PCDHGA1: variants seen among roughly 807,000 people sequenced by gnomAD.
PCDHGA1 encodes the protein protocadherin gamma subfamily A, 1, also known as protocadherin gamma-A1.
Under a neutral mutation model 58.0 loss-of-function variants are expected in PCDHGA1, and 32 were observed. The ratio of observed to expected loss-of-function variants is 0.55; its 90% confidence interval spans 0.42 to 0.74. PCDHGA1 has a LOEUF of 0.74. PCDHGA1 is among the 30% of genes least tolerant of loss of function. PCDHGA1 has a pLI of 0.00. For synonymous variants in PCDHGA1, 498 were observed against 501.1 expected, an observed-to-expected ratio of 0.99 and a Z score of 0.08; for missense variants, 1,205 against 1,182.3, an observed-to-expected ratio of 1.02 and a Z score of -0.28.
chr5:141,361,847 G>C (rs763425262), intron 1 of PCDHGA1: 9 of 1,612,662 alleles, frequency 5.6e-6, no homozygotes. Flanking sequence ...GGGCCTGATG[G>C]CTCCGCCCTC....
intron 1 of PCDHGA1, chr5:141,409,128 T>C (rs755394129): frequency 6.2e-6 from 10 of 1,613,976 alleles, no homozygotes; most frequent in South Asian, 1.1e-5. Flanking sequence ...TCATTTGATT[T>C]TGAAGATGTA....
intron 1 of PCDHGA1, chr5:141,388,500 A>T: frequency 6.2e-7 from 1 of 1,613,860 alleles, no homozygotes; most frequent in Non-Finnish European, 8.5e-7. Flanking sequence ...AGAAAAGCAG[A>T]AATCCTACCA....
chr5:141,427,213 G>A (rs566924176), intron 1 of PCDHGA1: 3 of 456,706 alleles, frequency 6.6e-6, no homozygotes, highest in East Asian at 6.9e-5. Context: ...TTCGAATTTC[G>A]TAGCAGTTAT....
At chr5:141,382,683 G>A in intron 1 of PCDHGA1, 1 of 444,266 alleles carries the variant, frequency 2.3e-6, no homozygotes, top group Non-Finnish European at 4.0e-6. Context: ...ACCAACCAGG[G>A]AAAAATGGTG....
In PCDHGA1 at chr5:141,389,898, GA is replaced by G. The variant is rs916636012; in HGVS notation, c.2421+56794del. ...CGACAGCTTGCAGGAGGTGCTGCCGGATATCACTGACCGCCCCGACCCCTCT... is the reference window on the plus strand; with the variant it reads ...CGACAGCTTGCAGGAGGTGCTGCCGGTATCACTGACCGCCCCGACCCCTCT... On this transcript the variant is annotated intron_variant, in intron 1 of 3. Coordinates refer to ENST00000517417, the MANE Select transcript of PCDHGA1 (RefSeq NM_018912.3). 3.1e-6 allele frequency: 5 copies of G among 1,613,952 alleles called. No homozygotes were observed. In the African/African-American group the frequency reaches 5.3e-5, roughly 17 times the overall value.
intron 1 of PCDHGA1, chr5:141,388,330 G>A: frequency 6.2e-7 from 1 of 1,613,882 alleles, no homozygotes; most frequent in Non-Finnish European, 8.5e-7. Context: ...GCACAGCCTG[G>A]CACACGATTT....
intron 1 of PCDHGA1, chr5:141,409,656 G>A: frequency 6.2e-7 from 1 of 1,613,618 alleles, no homozygotes; most frequent in South Asian, 1.1e-5. Context: ...GGGCTCAATG[G>A]CCACATCTCC....
intron 1 of PCDHGA1, chr5:141,394,998 G>C: frequency 2.5e-6 from 4 of 1,614,010 alleles, no homozygotes; most frequent in Non-Finnish European, 3.4e-6. Context: ...CCAGGATTCC[G>C]GTGGCAGATT....
At position 141,374,917 on chromosome 5, in the gene PCDHGA1, T is replaced by C. The variant is rs1385873751; in HGVS notation, c.2421+41812T>C. 7.4e-6 allele frequency: 12 copies of C among 1,613,816 alleles called. No homozygotes were observed. In the Admixed American group the frequency reaches 1.5e-4, roughly 20 times the overall value. Reference sequence around the variant, plus strand: ...ATGAAGGAGTCCACGGGGAAGTAACTTATTCCTTTGTGAAGATTACAGAAA... The same window carrying C: ...ATGAAGGAGTCCACGGGGAAGTAACCTATTCCTTTGTGAAGATTACAGAAA... On this transcript the variant is annotated intron_variant, in intron 1 of 3. Coordinates refer to ENST00000517417, the MANE Select transcript of PCDHGA1 (RefSeq NM_018912.3).
chr5:141,390,346 A>C, intron 1 of PCDHGA1: 1 of 1,576,446 alleles, frequency 6.3e-7, no homozygotes, highest in African/African-American at 1.4e-5. Context: ...TCACAAGAAA[A>C]TATACATATT....
intron 1 of PCDHGA1, chr5:141,383,770 A>G (rs776707003): frequency 6.2e-7 from 1 of 1,613,890 alleles, no homozygotes; most frequent in East Asian, 2.2e-5. Context: ...ACTTCCAAAG[A>G]TGTTTCATCT....
chr5:141,372,757 T>G, intron 1 of PCDHGA1: 1 of 1,613,122 alleles, frequency 6.2e-7, no homozygotes, highest in Non-Finnish European at 8.5e-7. Context: ...GCCTCTTGGT[T>G]TGAAAGTAAT....
At chr5:141,374,689 G>T in intron 1 of PCDHGA1, 2 of 1,609,578 alleles carry the variant, frequency 1.2e-6, no homozygotes, top group East Asian at 4.5e-5. Flanking sequence ...CACTGGACCG[G>T]GAAGGAGAAG....
At chr5:141,382,737 A>G (rs1186872738) in intron 1 of PCDHGA1, 2 of 571,884 alleles carry the variant, frequency 3.5e-6, no homozygotes, top group African/African-American at 3.7e-5. Context: ...GCACAGAGAA[A>G]CGACAGATTG....
Position 141,490,909 on chromosome 5 carries a change from G to C in PCDHGA1, c.2422-3898G>C. ...ATCTCTGCATGTGTTTGTCCTAGAC[G>C]AGAATGATAATGCCCCAGCTGTGCT... On this transcript the variant is annotated intron_variant, in intron 1 of 3. Coordinates refer to ENST00000517417, the MANE Select transcript of PCDHGA1 (RefSeq NM_018912.3). This position sits in a 1 kb window ranked among gnomAD's most constrained non-coding sequence, Gnocchi z 5.4. 1 of 1,613,744 alleles carries C rather than the reference G, an allele frequency of 6.2e-7. No individual in the cohort carries two copies. The highest frequency in any genetic ancestry group is 2.2e-5 in the East Asian group (1 of 44,870).
intron 1 of PCDHGA1, among the ~76,000 whole-genome samples, chr5:141,461,983 C>T (rs1390320490): frequency 6.6e-6 from 1 of 152,192 alleles, no homozygotes. Flanking sequence ...GCCACCACGC[C>T]AGGCTAATTT....
intron 1 of PCDHGA1, chr5:141,424,789 A>T (rs538504226): frequency 2.0e-5 from 3 of 152,238 alleles, no homozygotes; most frequent in African/African-American, 7.2e-5. Flanking sequence ...CAGTTCTTTT[A>T]TTCAGACCAA....
intron 1 of PCDHGA1, chr5:141,395,547 TGTG>T (rs1561655259): frequency 0.04 from 6,887 of 174,198 alleles, 418 homozygotes; most frequent in African/African-American, 0.079. Context: ...ATTGTTTGTG[TGTG>T]TGTGTGTGTG....
chr5:141,427,905 A>G (rs754321006), intron 1 of PCDHGA1: 1 of 1,574,682 alleles, frequency 6.4e-7, no homozygotes, highest in South Asian at 1.1e-5. Context: ...GCCCGCGCTC[A>G]GCGCCAACAT....
Sources: allele counts gnomAD v4.1 joint callset (sites outside exome capture counted in the v4.1 genomes callset), GRCh38; gene constraint gnomAD v4.1.1; non-coding constraint Gnocchi (gnomAD v3.1); transcripts MANE v1.5; gene names NCBI Gene and HGNC (gene_info 2026-07-23, HGNC 2026-07-21).